Variants in NKAIN2 observed in about 807,000 individuals in gnomAD.
The protein encoded by NKAIN2 is sodium/potassium-transporting ATPase subunit beta-1-interacting protein 2.
NKAIN2 carries 14 observed loss-of-function variants against 32.6 expected under a neutral mutation model. That is an observed-to-expected ratio of 0.43 (90% CI 0.28 to 0.67). The LOEUF is 0.67. Ranked by LOEUF, NKAIN2 falls within the 30% of genes least tolerant of loss-of-function variation. The pLI, the probability that NKAIN2 is intolerant of heterozygous loss-of-function variation, is 0.17. For synonymous variants in NKAIN2, 80 were observed against 87.2 expected, an observed-to-expected ratio of 0.92 and a Z score of 0.46; for missense variants, 198 against 258.3, an observed-to-expected ratio of 0.77 and a Z score of 1.60.
intron 1 of NKAIN2, among the ~76,000 whole-genome samples, chr6:124,277,069 G>A (rs1175227753): frequency 6.6e-6 from 1 of 152,076 alleles, no homozygotes; most frequent in Non-Finnish European, 1.5e-5. Flanking sequence ...CAGGGCAAGG[G>A]TTTCCTGCTG....
intron 3 of NKAIN2, among the ~76,000 whole-genome samples, chr6:124,483,844 G>T (rs1777550428): frequency 6.6e-6 from 1 of 151,876 alleles, no homozygotes; most frequent in African/African-American, 2.4e-5. Flanking sequence ...CTAAAATTTG[G>T]TAACAAAATA....
intron 3 of NKAIN2, among the ~76,000 whole-genome samples, chr6:124,619,375 T>G (rs887229233): frequency 6.6e-6 from 1 of 152,290 alleles, no homozygotes; most frequent in East Asian, 1.9e-4. Flanking sequence ...TTCTGAGAGA[T>G]ATCACATTCC....
intron 2 of NKAIN2, among the ~76,000 whole-genome samples, chr6:124,291,324 A>G (rs1185212248): frequency 1.3e-5 from 2 of 149,952 alleles, no homozygotes; most frequent in Non-Finnish European, 2.9e-5. Flanking sequence ...GCGTGTCTAA[A>G]TGTGAACCTA....
At chr6:123,854,099 A>G (rs947972126) in intron 1 of NKAIN2, among the ~76,000 whole-genome samples, 9 of 152,170 alleles carry the variant, frequency 5.9e-5, no homozygotes, top group Non-Finnish European at 1.3e-4. Context: ...TTACTCATAT[A>G]TTCCTCTTAG....
intron 3 of NKAIN2, among the ~76,000 whole-genome samples, chr6:124,530,842 G>A (rs550434300): frequency 1.1e-4 from 17 of 152,236 alleles, no homozygotes; most frequent in African/African-American, 3.9e-4. Flanking sequence ...ACTCTTCATC[G>A]AAGGGTCGAA....
chr6:123,833,797 G>C (rs181700267), intron 1 of NKAIN2, among the ~76,000 whole-genome samples: 1 of 146,824 alleles, frequency 6.8e-6, no homozygotes, highest in Non-Finnish European at 1.5e-5. Context: ...GCACGATCTC[G>C]GCTCACTGCA....
chr6:124,006,674 G>A (rs1043481023), intron 1 of NKAIN2, among the ~76,000 whole-genome samples: 1 of 152,074 alleles, frequency 6.6e-6, no homozygotes, highest in African/African-American at 2.4e-5. Context: ...AATTGTTCTA[G>A]CAATAGTTCT....
intron 3 of NKAIN2, among the ~76,000 whole-genome samples, chr6:124,410,340 A>C (rs981513437): frequency 6.6e-6 from 1 of 152,110 alleles, no homozygotes; most frequent in Non-Finnish European, 1.5e-5. Flanking sequence ...TAGTGCTAAA[A>C]TTTCCCTCTA....
chr6:124,199,803 T>G lies in NKAIN2; in HGVS notation c.55-83202T>G, dbSNP rs963102771. ...AATCAAAGCAAAGGATTATTTTGACTAAATTGCCAAACCCTTATGTAAGCA... is the reference window on the plus strand; with the variant it reads ...AATCAAAGCAAAGGATTATTTTGACGAAATTGCCAAACCCTTATGTAAGCA... On this transcript the variant is annotated intron_variant, in intron 1 of 6. Transcript: ENST00000368417. Among the ~76,000 whole-genome samples the G allele has an allele frequency of 4.6e-5, 7 of 152,148 alleles. No homozygotes were observed. In the East Asian group the frequency reaches 1.3e-3, roughly 29 times the overall value.
intron 3 of NKAIN2, among the ~76,000 whole-genome samples, chr6:124,417,195 CT>C (rs1292021482): frequency 6.6e-6 from 1 of 152,096 alleles, no homozygotes; most frequent in Non-Finnish European, 1.5e-5. Context: ...TGACAAAGTG[CT>C]TTAACAAGCA....
chr6:124,358,540 T>G (rs563856600), intron 3 of NKAIN2, among the ~76,000 whole-genome samples: 2 of 152,372 alleles, frequency 1.3e-5, no homozygotes, highest in African/African-American at 2.4e-5. Flanking sequence ...TGATGAGCAT[T>G]TTTTCATGTG....
At chr6:124,165,153 G>A (rs993423101) in intron 1 of NKAIN2, among the ~76,000 whole-genome samples, 1 of 151,890 alleles carries the variant, frequency 6.6e-6, no homozygotes, top group Admixed American at 6.6e-5. Context: ...TATATTTTTG[G>A]TATTGGTGAA....
chr6:123,804,021 CCGCCG>C lies in NKAIN2; in HGVS notation c.-175_-171del, dbSNP rs1773103911. 1.6e-6 allele frequency: 1 copy of C among 629,560 alleles called. No homozygotes were observed. Among genetic ancestry groups the C allele is most frequent in the Non-Finnish European group, 2.8e-6 (1 of 354,778 alleles). The allele number at this position is 629,560 out of a possible 1,614,324, so 39.0% of individuals were successfully genotyped here. On this transcript the variant is annotated 5_prime_UTR_variant, in exon 1 of 7. An upstream open reading frame in the 5' UTR gains an earlier in-frame stop. Coordinates refer to ENST00000368417, the MANE Select transcript of NKAIN2 (RefSeq NM_001040214.3). The stretch of plus-strand genomic sequence containing the variant: ...GCGGCTGGAGCTGCCGCCGCCGCCG[CCGCCG>C]CGCCAGCAGGTCCTAATGCCTGTCA...
intron 3 of NKAIN2, among the ~76,000 whole-genome samples, chr6:124,526,488 G>A (rs1008003136): frequency 1.3e-5 from 2 of 152,032 alleles, no homozygotes; most frequent in Admixed American, 1.3e-4. Flanking sequence ...TGCTACTGGG[G>A]TATAAGAGGG....
At chr6:123,877,172 T>A (rs1025701800) in intron 1 of NKAIN2, among the ~76,000 whole-genome samples, 7 of 152,174 alleles carry the variant, frequency 4.6e-5, no homozygotes, top group African/African-American at 1.7e-4. Flanking sequence ...GGGCCTAATA[T>A]TATTTAACAT....
At chr6:124,139,181 C>T (rs564498044) in intron 1 of NKAIN2, among the ~76,000 whole-genome samples, 2 of 146,918 alleles carry the variant, frequency 1.4e-5, no homozygotes, top group South Asian at 4.3e-4. Flanking sequence ...CTCCGCTTCC[C>T]GGGTTCACGC....
At chr6:124,787,097 C>T (rs963022675) in intron 4 of NKAIN2, among the ~76,000 whole-genome samples, 3 of 152,102 alleles carry the variant, frequency 2.0e-5, no homozygotes, top group African/African-American at 7.2e-5. Context: ...AAGTGCCAAG[C>T]ACCAACCTAC....
intron 1 of NKAIN2, among the ~76,000 whole-genome samples, chr6:123,965,079 T>A (rs1484386138): frequency 2.0e-5 from 3 of 152,142 alleles, no homozygotes; most frequent in Non-Finnish European, 1.5e-5. Flanking sequence ...TTTCATTCAG[T>A]GTTCAGAATG....
chr6:124,156,453 G>C (rs866342314), intron 1 of NKAIN2, among the ~76,000 whole-genome samples: 3 of 152,226 alleles, frequency 2.0e-5, no homozygotes, highest in South Asian at 4.1e-4. Flanking sequence ...TGAAGCAGGA[G>C]GAGTCAGTCA....
Sources: gnomAD v4.1 joint callset for allele counts (sites outside exome capture counted in the v4.1 genomes callset) on GRCh38, gnomAD v4.1.1 for gene constraint, MANE v1.5 for transcripts, NCBI Gene and HGNC (gene_info 2026-07-23, HGNC 2026-07-21) for gene names.